REDIC1: variants seen among roughly 807,000 people sequenced by gnomAD.
REDIC1 encodes the protein HEI10 Interacting Protein 1.
At chr12:39,653,492 G>GTCCTTCTTCTTCTTCT in the REDIC1 span, among the ~76,000 whole-genome samples, 1 of 54,288 alleles carries the variant, frequency 1.8e-5, no homozygotes, top group Non-Finnish European at 4.3e-5. Flanking sequence ...CAATCTGGAT[G>GTCCTTCTTCTTCTTCT]TCTTCTTCTT....
At chr12:39,734,447 A>G in the REDIC1 span, among the ~76,000 whole-genome samples, 3 of 152,216 alleles carry the variant, frequency 2.0e-5, no homozygotes, top group Non-Finnish European at 4.4e-5. Context: ...TGTCTTTTAA[A>G]AAATATTGAT....
chr12:39,753,962 A>G, the REDIC1 span, among the ~76,000 whole-genome samples: 1,127 of 152,252 alleles, frequency 7.4e-3, 21 homozygotes, highest in African/African-American at 0.025. Context: ...ACAATGCATT[A>G]TATTGCCTCA....
chr12:39,648,389 A>G, the REDIC1 span, among the ~76,000 whole-genome samples: 1 of 151,996 alleles, frequency 6.6e-6, no homozygotes, highest in African/African-American at 2.4e-5. Context: ...GTAGTCTCTT[A>G]AAGTGATGGC....
chr12:39,713,696 T>C, the REDIC1 span, among the ~76,000 whole-genome samples: 1 of 145,330 alleles, frequency 6.9e-6, no homozygotes, highest in Non-Finnish European at 1.5e-5. Context: ...TATACATGCG[T>C]ATATACATAT....
the REDIC1 span, among the ~76,000 whole-genome samples, chr12:39,774,522 T>C: frequency 1.3e-5 from 2 of 151,808 alleles, no homozygotes; most frequent in Non-Finnish European, 2.9e-5. Context: ...TATGGTTTCC[T>C]AGCTTGCAGT....
the REDIC1 span, among the ~76,000 whole-genome samples, chr12:39,899,701 AAAG>A: frequency 0.012 from 1,785 of 152,206 alleles, 21 homozygotes; most frequent in Middle Eastern, 0.031. Context: ...CGTTGGTTTC[AAAG>A]AACATCTTTA....
chr12:39,877,300 C>T, the REDIC1 span, among the ~76,000 whole-genome samples: 2 of 152,090 alleles, frequency 1.3e-5, no homozygotes, highest in African/African-American at 2.4e-5. Flanking sequence ...ATGTCTTACA[C>T]GGTGGCAGGC....
chr12:39,702,665 C>T, the REDIC1 span, among the ~76,000 whole-genome samples: 1 of 152,156 alleles, frequency 6.6e-6, no homozygotes, highest in Admixed American at 6.5e-5. Context: ...CCTTGATGAA[C>T]ATTGATGCAA....
the REDIC1 span, among the ~76,000 whole-genome samples, chr12:39,898,696 A>G: frequency 6.6e-6 from 1 of 152,268 alleles, no homozygotes; most frequent in East Asian, 1.9e-4. Flanking sequence ...GCAGATTGCA[A>G]TCTCCCATTT....
the REDIC1 span, among the ~76,000 whole-genome samples, chr12:39,713,779 G>A: frequency 6.1e-5 from 9 of 146,882 alleles, no homozygotes; most frequent in Admixed American, 1.4e-4. Context: ...ATATTTGTAC[G>A]TAAATATACA....
At chr12:39,852,495 A>T in the REDIC1 span, among the ~76,000 whole-genome samples, 10 of 152,194 alleles carry the variant, frequency 6.6e-5, no homozygotes, top group Non-Finnish European at 8.8e-5. Flanking sequence ...ATTGATCATG[A>T]CTCACAGAAG....
At chr12:39,846,391 T>C in the REDIC1 span, among the ~76,000 whole-genome samples, 1 of 152,156 alleles carries the variant, frequency 6.6e-6, no homozygotes, top group Non-Finnish European at 1.5e-5. Flanking sequence ...AGAAAGATCT[T>C]TCTCAGTTAA....
chr12:39,640,107 TC>T, the REDIC1 span, among the ~76,000 whole-genome samples: 4 of 151,610 alleles, frequency 2.6e-5, no homozygotes, highest in Non-Finnish European at 1.5e-5. Flanking sequence ...TTTTTGTCTT[TC>T]CCCCAAGTTC....
the REDIC1 span, among the ~76,000 whole-genome samples, chr12:39,732,111 C>T: frequency 1.3e-5 from 2 of 152,294 alleles, no homozygotes; most frequent in South Asian, 4.2e-4. Context: ...TCCAATTGTG[C>T]ATCCCTAGAC....
At chr12:39,805,560 G>C in the REDIC1 span, among the ~76,000 whole-genome samples, 5 of 151,650 alleles carry the variant, frequency 3.3e-5, no homozygotes, top group African/African-American at 9.7e-5. Context: ...GCCTGAAACA[G>C]TGTATTTAAA....
chr12:39,841,074 G>A, the REDIC1 span, among the ~76,000 whole-genome samples: 1 of 152,024 alleles, frequency 6.6e-6, no homozygotes, highest in African/African-American at 2.4e-5. Flanking sequence ...CTCTGTAAAA[G>A]AGTCATATTT....
At chr12:39,792,889 T>A in the REDIC1 span, among the ~76,000 whole-genome samples, 1 of 152,068 alleles carries the variant, frequency 6.6e-6, no homozygotes, top group South Asian at 2.1e-4. Flanking sequence ...TTTCTATCAA[T>A]GTGGGGCTTC....
chr12:39,705,253 A>G, the REDIC1 span, among the ~76,000 whole-genome samples: 1 of 152,068 alleles, frequency 6.6e-6, no homozygotes, highest in Non-Finnish European at 1.5e-5. Flanking sequence ...ATTTACCAAG[A>G]TTGAACCATG....
chr12:39,818,668 A>T, the REDIC1 span, among the ~76,000 whole-genome samples: 1 of 152,160 alleles, frequency 6.6e-6, no homozygotes, highest in Admixed American at 6.6e-5. Context: ...CCAAGTTTTT[A>T]TAAATACCAA....
Sources: allele counts gnomAD v4.1 joint callset (sites outside exome capture counted in the v4.1 genomes callset), GRCh38; gene constraint gnomAD v4.1.1; transcripts MANE v1.5; gene names NCBI Gene and HGNC (gene_info 2026-07-23, HGNC 2026-07-21).